Variants in FAM91A1 observed in about 807,000 individuals in gnomAD.
FAM91A1 encodes family with sequence similarity 91 member A1, also known as protein FAM91A1.
A neutral mutation model predicts 113.5 loss-of-function variants in FAM91A1; 41 were observed. The ratio of observed to expected loss-of-function variants is 0.36; its 90% CI spans 0.28 to 0.47. The LOEUF is 0.47. FAM91A1 is among the 20% of genes least tolerant of loss of function. FAM91A1 has a pLI of 1.00. For missense variants in FAM91A1, 696 were observed against 1,001.2 expected (o/e 0.70, Z 4.11); for synonymous variants, 307 against 347.9 (o/e 0.88, Z 1.31).
At chr8:123,795,788 T>C (rs984982825) in intron 15 of FAM91A1, among the ~76,000 whole-genome samples, 1 of 152,104 alleles carries the variant, frequency 6.6e-6, no homozygotes, top group Non-Finnish European at 1.5e-5. Flanking sequence ...GGAAGAGAAA[T>C]GAGCACCAGG....
intron 18 of FAM91A1, among the ~76,000 whole-genome samples, chr8:123,800,137 AT>A (rs894120524): frequency 2.0e-5 from 3 of 150,648 alleles, no homozygotes; most frequent in East Asian, 1.9e-4. Context: ...GATTTTTTTT[AT>A]TTTTTTTTAA....
intron 8 of FAM91A1, among the ~76,000 whole-genome samples, chr8:123,781,924 G>T (rs1163172112): frequency 6.6e-6 from 1 of 152,184 alleles, no homozygotes; most frequent in Non-Finnish European, 1.5e-5. Flanking sequence ...GAAGACAGAG[G>T]TGGCCGTGAT....
Position 123,778,648 on chromosome 8 carries a change from T to C in FAM91A1, c.436-11T>C. ...TAGATTGCAAATTCTCAAATGTTTG[T>C]ACCATTGCAGAAATTCTTCAGAAGG... On this transcript the variant is annotated splice_polypyrimidine_tract_variant and intron_variant, in intron 5 of 23. Transcript: ENST00000334705. 6.3e-7 allele frequency: 1 copy of C among 1,597,276 alleles called. No homozygotes were observed. The highest frequency in any genetic ancestry group is 1.3e-5 in the African/African-American group (1 of 74,628).
At chr8:123,794,540 A>G (rs1404001063) in intron 15 of FAM91A1, among the ~76,000 whole-genome samples, 1 of 152,244 alleles carries the variant, frequency 6.6e-6, no homozygotes, top group Non-Finnish European at 1.5e-5. Context: ...TTTTGTAGGT[A>G]TCTCTTGTTG....
At chr8:123,806,486 T>C (rs1482392059) in intron 20 of FAM91A1, among the ~76,000 whole-genome samples, 2 of 152,210 alleles carry the variant, frequency 1.3e-5, no homozygotes, top group African/African-American at 4.8e-5. Flanking sequence ...TTTATTAGGC[T>C]TTATTAGGTT....
In FAM91A1 at chr8:123,780,470, G is replaced by C. The variant is rs367712987; in HGVS notation, c.641-10G>C. Reference sequence around the variant, plus strand: ...GTTCCATCTAAAACAAGGTACTTTTGTTTCTTCAGGTTTGTATAACAAAGG... The same window carrying C: ...GTTCCATCTAAAACAAGGTACTTTTCTTTCTTCAGGTTTGTATAACAAAGG... On this transcript the variant is annotated splice_polypyrimidine_tract_variant and intron_variant, in intron 7 of 23. Transcript: ENST00000334705. 12 of 1,602,292 alleles carry C rather than the reference G, an allele frequency of 7.5e-6. No homozygotes were observed. The highest frequency in any genetic ancestry group is 1.0e-5 in the Non-Finnish European group (12 of 1,173,544).
chr8:123,812,481 G>C (rs1169369793), intron 23 of FAM91A1, 38 bp from the exon 24 acceptor site: 2 of 1,525,670 alleles, frequency 1.3e-6, no homozygotes, highest in East Asian at 4.6e-5. Flanking sequence ...TTTTGGTAAA[G>C]TGTTGAATAT....
Position 123,814,458 on chromosome 8 carries a change from C to G in FAM91A1, c.*1754C>G, listed in dbSNP as rs1816025924. On this transcript the variant is annotated 3_prime_UTR_variant, in exon 24 of 24. Coordinates refer to ENST00000334705, the MANE Select transcript of FAM91A1 (RefSeq NM_144963.4). ...TAAACCAACTGTAATGACATGTACA[C>G]TAATACAGAATTGAACATTTGTAGT... 5.8e-6 allele frequency: 1 copy of G among 171,322 alleles called. No homozygotes were observed. The highest frequency in any genetic ancestry group is 1.2e-4 in the South Asian group (1 of 8,008). The allele number at this position is 171,322 out of a possible 1,614,324, so 10.6% of individuals were successfully genotyped here. A position where few individuals can be genotyped will look rare whatever the true frequency, so the allele number is the denominator to read the frequency against.
Position 123,798,168 on chromosome 8 carries a change from A to G in FAM91A1, c.1490A>G (p.Asn497Ser). The change falls in exon 16 of 24, where the codon AAT (asparagine) becomes AGT (serine). Residue 497 changes from asparagine to serine, a missense_variant. Asn to Ser is a conservative substitution (Grantham distance 46). Coordinates refer to ENST00000334705, the MANE Select transcript of FAM91A1 (RefSeq NM_144963.4). Reference protein sequence around the residue: ...PATCSRVLNKNYTLLVSMAPL... With the variant: ...PATCSRVLNKSYTLLVSMAPL... Reference sequence around the variant, plus strand: ...ACTTGCAGCAGAGTTCTAAACAAAAATTACACGCTGCTTGTTTCCATGGCT... The same window carrying G: ...ACTTGCAGCAGAGTTCTAAACAAAAGTTACACGCTGCTTGTTTCCATGGCT... The G allele has an allele frequency of 6.2e-7, 1 of 1,614,084 alleles. No homozygotes were observed. The highest frequency in any genetic ancestry group is 8.5e-7 in the Non-Finnish European group (1 of 1,179,984).
chr8:123,811,500 A>G (rs1815954014), intron 23 of FAM91A1: 1 of 152,222 alleles, frequency 6.6e-6, no homozygotes, highest in Non-Finnish European at 1.5e-5. Context: ...GAATTAATAA[A>G]TTAAACTAAT....
At chr8:123,796,684 C>T (rs1035439616) in intron 15 of FAM91A1, among the ~76,000 whole-genome samples, 47 of 150,022 alleles carry the variant, frequency 3.1e-4, no homozygotes, top group Admixed American at 2.7e-4. Flanking sequence ...GTCTCGATCT[C>T]CTGACCTCGT....
In FAM91A1 at chr8:123,768,549, GT is replaced by G. The variant is rs576218080; in HGVS notation, c.-153del. The G allele has an allele frequency of 7.6e-3, 4,626 of 611,958 alleles. 14 individuals are homozygous for G. Among genetic ancestry groups the G allele is most frequent in the Non-Finnish European group, 0.01 (3,641 of 362,632 alleles). The allele number at this position is 611,958 out of a possible 1,614,324, so 37.9% of individuals were successfully genotyped here. The stretch of plus-strand genomic sequence containing the variant: ...CGGTTGGCCCGGGCGGCGCTGAACT[GT>G]CGGGAGCCTAGGCCATGGGGCAGCC... On this transcript the variant is annotated 5_prime_UTR_variant, in exon 1 of 24. Transcript: ENST00000334705.
intron 20 of FAM91A1, 110 bp downstream of exon 20, chr8:123,806,339 C>A: frequency 8.9e-7 from 1 of 1,129,422 alleles, no homozygotes; most frequent in Non-Finnish European, 1.2e-6. Context: ...TTATTGAATA[C>A]TCAATATTCT....
In FAM91A1 at chr8:123,784,580, A is replaced by G; in HGVS notation, c.810+4A>G. On this transcript the variant is annotated splice_donor_region_variant and intron_variant, in intron 9 of 23. Coordinates refer to ENST00000334705, the MANE Select transcript of FAM91A1 (RefSeq NM_144963.4). ...TGAGCACACAAATGTTGCAGAGGTA[A>G]GTTTGACAACGTCTCATGAAAATAT... 1 of 1,580,026 alleles carries G rather than the reference A, an allele frequency of 6.3e-7. No individual in the cohort carries two copies. The highest frequency in any genetic ancestry group is 8.6e-7 in the Non-Finnish European group (1 of 1,161,406).
Position 123,813,295 on chromosome 8 carries a change from C to G in FAM91A1, c.*591C>G, listed in dbSNP as rs1021621412. ...ATCAGCATAGTTGTGTATAACTTAA[C>G]CTTGATTTATAAGGTCTTAAGATTA... On this transcript the variant is annotated 3_prime_UTR_variant, in exon 24 of 24. Coordinates refer to ENST00000334705, the MANE Select transcript of FAM91A1 (RefSeq NM_144963.4). 6.6e-6 allele frequency: 1 copy of G among 152,486 alleles called. No individual in the cohort carries two copies. Among genetic ancestry groups the G allele is most frequent in the South Asian group, 2.1e-4 (1 of 4,822 alleles). The allele number at this position is 152,486 out of a possible 1,614,324, so 9.4% of individuals were successfully genotyped here.
In FAM91A1 at chr8:123,789,700, A is replaced by G; in HGVS notation, c.1366A>G (p.Lys456Glu). ...RNTILFLRHN[K>E]DLVAQTAQPD... Reference sequence around the variant, plus strand: ...CACAATACTGTTTCTGCGTCATAACAAAGATCTAGTTGCGCAAACTGCACA... The same window carrying G: ...CACAATACTGTTTCTGCGTCATAACGAAGATCTAGTTGCGCAAACTGCACA... Residue 456 changes from lysine (K) to glutamate (E), a missense_variant, in exon 15 of 24, where the codon AAA becomes GAA. Coordinates refer to ENST00000334705, the MANE Select transcript of FAM91A1 (RefSeq NM_144963.4). The G allele has an allele frequency of 6.2e-7, 1 of 1,613,404 alleles. No individual in the cohort carries two copies. The highest frequency in any genetic ancestry group is 2.2e-5 in the East Asian group (1 of 44,848).
intron 18 of FAM91A1, among the ~76,000 whole-genome samples, chr8:123,804,168 A>C (rs1032310600): frequency 1.3e-5 from 2 of 152,150 alleles, no homozygotes; most frequent in African/African-American, 4.8e-5. Flanking sequence ...GTACATTCAC[A>C]TGATTCAAAA....
chr8:123,798,870 T>C (rs1401309798), intron 16 of FAM91A1, among the ~76,000 whole-genome samples: 2 of 152,234 alleles, frequency 1.3e-5, no homozygotes, highest in East Asian at 3.9e-4. Context: ...GCCTATGTTC[T>C]AGCTGCCTCA....
In FAM91A1 at chr8:123,812,815, T is replaced by A; in HGVS notation, c.*111T>A. The A allele has an allele frequency of 3.4e-6, 3 of 894,272 alleles. No individual in the cohort carries two copies. Among genetic ancestry groups the A allele is most frequent in the Non-Finnish European group, 4.7e-6 (3 of 633,954 alleles). The allele number at this position is 894,272 out of a possible 1,614,324, so 55.4% of individuals were successfully genotyped here. On this transcript the variant is annotated 3_prime_UTR_variant, in exon 24 of 24. Coordinates refer to ENST00000334705, the MANE Select transcript of FAM91A1 (RefSeq NM_144963.4). ...CTGCTGCTGCAGTGCAATTCTTGCT[T>A]AACTAATATTAAAAGTTGGGGAACA...
Sources: allele counts gnomAD v4.1 joint callset (sites outside exome capture counted in the v4.1 genomes callset), GRCh38; gene constraint gnomAD v4.1.1; transcripts MANE v1.5; gene names NCBI Gene and HGNC (gene_info 2026-07-23, HGNC 2026-07-21).